KCNMB2: variants seen among roughly 807,000 people sequenced by gnomAD.
KCNMB2 encodes calcium-activated potassium channel subunit beta-2.
In KCNMB2, 9 loss-of-function variants were observed where a neutral mutation model predicts 24.5. The observed-to-expected ratio is 0.37, with a 90% CI of 0.22 to 0.64. KCNMB2 has a LOEUF of 0.64. Among genes scored for constraint, KCNMB2 ranks in the 30% least tolerant of loss-of-function variants. The probability of loss-of-function intolerance (pLI) is 0.63; values close to 1 mark genes in which losing one functional copy is unlikely to be tolerated. For missense variants in KCNMB2, 226 were observed against 284.3 expected, an observed-to-expected ratio of 0.79 and a Z score of 1.47; for synonymous variants, 109 against 104.4, an observed-to-expected ratio of 1.04 and a Z score of -0.27.
chr3:178,713,266 T>C (rs964121392), intron 1 of KCNMB2, among the ~76,000 whole-genome samples: 8 of 152,200 alleles, frequency 5.3e-5, no homozygotes, highest in African/African-American at 1.7e-4. Context: ...CCTTTCACAT[T>C]GGGTATGGGC....
At chr3:178,561,497 C>T (rs1480420557) in intron 1 of KCNMB2, among the ~76,000 whole-genome samples, 1 of 152,184 alleles carries the variant, frequency 6.6e-6, no homozygotes, top group Admixed American at 6.5e-5. Flanking sequence ...CAGTAAAAGA[C>T]TGACCTTTTC....
chr3:178,760,315 TATAG>T (rs1711777260), intron 1 of KCNMB2, among the ~76,000 whole-genome samples: 2 of 121,700 alleles, frequency 1.6e-5, no homozygotes, highest in Admixed American at 9.4e-5. Context: ...TATATCTATA[TATAG>T]ATATATATAG....
intron 1 of KCNMB2, among the ~76,000 whole-genome samples, chr3:178,632,349 T>C (rs1388748473): frequency 1.3e-5 from 2 of 152,216 alleles, no homozygotes; most frequent in African/African-American, 2.4e-5. Flanking sequence ...AATAAAGATA[T>C]ACCTGACACT....
chr3:178,657,314 C>T (rs186065868), intron 1 of KCNMB2, among the ~76,000 whole-genome samples: 135 of 152,322 alleles, frequency 8.9e-4, no homozygotes, highest in Admixed American at 1.8e-3. Context: ...GGTTCTCTTT[C>T]ATTGCTGATT....
intron 1 of KCNMB2, among the ~76,000 whole-genome samples, chr3:178,683,565 TAA>T (rs1432954898): frequency 6.6e-6 from 1 of 152,204 alleles, no homozygotes; most frequent in Non-Finnish European, 1.5e-5. Flanking sequence ...CTTTTTATGC[TAA>T]GTCTTCACAT....
intron 1 of KCNMB2, among the ~76,000 whole-genome samples, chr3:178,759,765 TATCCAAGAGG>T (rs1295427127): frequency 8.9e-5 from 5 of 56,150 alleles, no homozygotes; most frequent in African/African-American, 1.7e-4. Flanking sequence ...TATATATATA[TATCCAAGAGG>T]ATATATCTAT....
intron 1 of KCNMB2, among the ~76,000 whole-genome samples, chr3:178,579,885 T>C (rs1560117156): frequency 6.6e-6 from 1 of 152,128 alleles, no homozygotes; most frequent in Non-Finnish European, 1.5e-5. Context: ...ATTAATCGCC[T>C]ACCAACCAAA....
chr3:178,677,239 C>T (rs1214203180), intron 1 of KCNMB2, among the ~76,000 whole-genome samples: 3 of 152,184 alleles, frequency 2.0e-5, no homozygotes, highest in Non-Finnish European at 4.4e-5. Flanking sequence ...AGAGGGCTTC[C>T]TGACTCAGAG....
intron 1 of KCNMB2, among the ~76,000 whole-genome samples, chr3:178,610,159 T>C (rs1375772998): frequency 6.6e-6 from 1 of 152,228 alleles, no homozygotes; most frequent in Middle Eastern, 3.2e-3. Context: ...GCCAGTACCA[T>C]GCTGTTTTGT....
At chr3:178,722,530 C>T (rs1722840351) in intron 1 of KCNMB2, among the ~76,000 whole-genome samples, 1 of 152,092 alleles carries the variant, frequency 6.6e-6, no homozygotes, top group Non-Finnish European at 1.5e-5. Context: ...TGATAATGAG[C>T]CTACTCCAGA....
chr3:178,814,136 C>T (rs888431483), intron 2 of KCNMB2, among the ~76,000 whole-genome samples: 2 of 152,124 alleles, frequency 1.3e-5, no homozygotes, highest in Non-Finnish European at 2.9e-5. Context: ...AGTTTTTCAA[C>T]TCTTTTTTCC....
In KCNMB2 at chr3:178,807,356, TCC is replaced by T; in HGVS notation, c.-53_-52del. ...TACCTCTTCTAGGTCTTTTTGCCAT[TCC>T]TCCAGGACATCCACCATAAGGAAAG... On this transcript the variant is annotated 5_prime_UTR_variant, in exon 2 of 5. Coordinates refer to ENST00000452583, the MANE Select transcript of KCNMB2 (RefSeq NM_181361.3). 2 of 1,501,794 alleles carry T rather than the reference TCC, an allele frequency of 1.3e-6. No individual in the cohort carries two copies. Among genetic ancestry groups the T allele is most frequent in the African/African-American group, 1.4e-5 (1 of 72,406 alleles). The allele number at this position is 1,501,794 out of a possible 1,614,324, so 93.0% of individuals were successfully genotyped here. A position where few individuals can be genotyped will look rare whatever the true frequency, so the allele number is the denominator to read the frequency against.
At chr3:178,773,648 T>G (rs1282407039) in intron 1 of KCNMB2, among the ~76,000 whole-genome samples, 2 of 152,188 alleles carry the variant, frequency 1.3e-5, no homozygotes, top group African/African-American at 2.4e-5. Flanking sequence ...TCCATATTCT[T>G]TTTTGGGACT....
At chr3:178,708,468 C>T (rs1722350048) in intron 1 of KCNMB2, among the ~76,000 whole-genome samples, 1 of 152,132 alleles carries the variant, frequency 6.6e-6, no homozygotes, top group African/African-American at 2.4e-5. Context: ...CCTGAGGAAA[C>T]TGAGGCACTT....
intron 1 of KCNMB2, among the ~76,000 whole-genome samples, chr3:178,693,496 A>G (rs978504530): frequency 6.6e-5 from 10 of 152,214 alleles, no homozygotes; most frequent in Non-Finnish European, 1.3e-4. Flanking sequence ...TTCTACATAT[A>G]TTGAGATAAT....
At chr3:178,616,953 C>T (rs1718727476) in intron 1 of KCNMB2, among the ~76,000 whole-genome samples, 1 of 152,282 alleles carries the variant, frequency 6.6e-6, no homozygotes, top group South Asian at 2.1e-4. Context: ...CATTTTCTTC[C>T]CTGTAGACAT....
intron 4 of KCNMB2, among the ~76,000 whole-genome samples, chr3:178,842,361 C>G (rs1408419602): frequency 6.6e-6 from 1 of 152,148 alleles, no homozygotes; most frequent in Non-Finnish European, 1.5e-5. Flanking sequence ...TTATTTTACG[C>G]ATGCAACATG....
At chr3:178,664,270 T>C (rs1268007153) in intron 1 of KCNMB2, among the ~76,000 whole-genome samples, 3 of 151,948 alleles carry the variant, frequency 2.0e-5, no homozygotes, top group Admixed American at 6.6e-5. Context: ...ACAAATGACA[T>C]GATTAGATTG....
chr3:178,766,078 C>T (rs1712106677), intron 1 of KCNMB2, among the ~76,000 whole-genome samples: 1 of 152,138 alleles, frequency 6.6e-6, no homozygotes, highest in African/African-American at 2.4e-5. Context: ...TTTGCCTGTC[C>T]AAGTCTCATT....
Sources: gnomAD v4.1 joint callset for allele counts (sites outside exome capture counted in the v4.1 genomes callset) on GRCh38, gnomAD v4.1.1 for gene constraint, MANE v1.5 for transcripts, NCBI Gene and HGNC (gene_info 2026-07-23, HGNC 2026-07-21) for gene names.